The following DCLRE1C variants were observed in gnomAD, a reference collection of about 807,000 sequenced individuals.
The protein encoded by DCLRE1C is protein artemis.
A neutral mutation model predicts 61.4 loss-of-function variants in DCLRE1C; 47 were observed. The observed-to-expected ratio is 0.77, with a 90% CI of 0.61 to 0.98. DCLRE1C has a LOEUF of 0.98. DCLRE1C is among the 50% of genes least tolerant of loss of function. The pLI is 0.00. For missense variants in DCLRE1C, 858 were observed against 816.0 expected (o/e 1.05, Z -0.63); for synonymous variants, 337 against 287.6 (o/e 1.17, Z -1.74).
intron 9 of DCLRE1C, among the ~76,000 whole-genome samples, chr10:14,929,761 T>A (rs1286191577): frequency 6.6e-6 from 1 of 152,212 alleles, no homozygotes; most frequent in African/African-American, 2.4e-5. Context: ...AAAGTCATTA[T>A]TTTGAAATCC....
intron 9 of DCLRE1C, 76 bp from the exon 10 acceptor site, chr10:14,928,228 A>G: frequency 7.4e-7 from 1 of 1,349,878 alleles, no homozygotes; most frequent in Non-Finnish European, 1.0e-6. Flanking sequence ...CTCAAAAACA[A>G]AAGTAGAAAA....
At chr10:14,901,125 C>T (rs1399791667), downstream of DCLRE1C, 1 of 1,613,148 alleles carries the variant, frequency 6.2e-7, no homozygotes, top group African/African-American at 1.3e-5. Context: ...TCTAATGTTC[C>T]TTTTTAGTGT....
chr10:14,954,103 T>C (rs41304290), upstream of DCLRE1C: 6 of 1,591,740 alleles, frequency 3.8e-6, no homozygotes, highest in African/African-American at 4.0e-5. Context: ...AGCCGCGCGC[T>C]GCCTCGCCAT....
At position 14,908,355 on chromosome 10, in the gene DCLRE1C, C is replaced by T. The variant is rs1834657456; in HGVS notation, c.*53G>A. The T allele has an allele frequency of 2.2e-6, 3 of 1,338,902 alleles. No homozygotes were observed. Among genetic ancestry groups the T allele is most frequent in the African/African-American group, 2.9e-5 (2 of 69,122 alleles). 82.9% of individuals were successfully genotyped at this position (1,338,902 alleles called of 1,614,324 possible). On this transcript the variant is annotated 3_prime_UTR_variant, in exon 14 of 14. Coordinates refer to ENST00000378278, the MANE Select transcript of DCLRE1C (RefSeq NM_001033855.3). ...TTTTCTCTATTGTAATATTGACTGTCATCTCTGTGCAGGTTTTTTAGTGGT... is the reference window on the plus strand; with the variant it reads ...TTTTCTCTATTGTAATATTGACTGTTATCTCTGTGCAGGTTTTTTAGTGGT...
chr10:14,945,176 G>T lies in DCLRE1C; in HGVS notation c.175C>A (p.Leu59Ile). 3 of 1,612,648 alleles carry T rather than the reference G, an allele frequency of 1.9e-6. No homozygotes were observed. The highest frequency in any genetic ancestry group is 2.5e-6 in the Non-Finnish European group (3 of 1,179,360). The change falls in exon 3 of 14, where the codon CTA (leucine) becomes ATA (isoleucine). Residue 59 changes from leucine (L) to isoleucine (I), a missense_variant. Around this residue, in one of 2 missense-constraint regions of DCLRE1C, gnomAD observed 843 missense variants for 783.5 expected, o/e 1.08. Coordinates refer to ENST00000378278, the MANE Select transcript of DCLRE1C (RefSeq NM_001033855.3). ...TCCTTAGTCACAGGTGAACAGTATA[G>T]ATAAACCTTCAAGCTGAAAGGAAAA... is the stretch of plus-strand genomic sequence containing the variant. ...RRLECSLKVY[L>I]YCSPVTKELL...
chr10:14,927,189 C>T (rs1185461727), intron 10 of DCLRE1C, among the ~76,000 whole-genome samples: 2 of 152,126 alleles, frequency 1.3e-5, no homozygotes, highest in East Asian at 1.9e-4. Context: ...CGAGACCAGC[C>T]TAGCAAACAT....
In DCLRE1C at chr10:14,927,900, T is replaced by A. The variant is rs550045751; in HGVS notation, c.917+116A>T. ...TTAAATAAAATTTAAATTTAAGAAA[T>A]TAATTATAATATATAATTATATTCT... On this transcript the variant is annotated intron_variant, in intron 10 of 13. Coordinates refer to ENST00000378278, the MANE Select transcript of DCLRE1C (RefSeq NM_001033855.3). 63 of 707,560 alleles carry A rather than the reference T, an allele frequency of 8.9e-5. No individual in the cohort carries two copies. In the African/African-American group the frequency reaches 1.1e-3, roughly 13 times the overall value. 43.8% of individuals were successfully genotyped at this position (707,560 alleles called of 1,614,324 possible).
Position 14,909,082 on chromosome 10 carries a change from G to T in DCLRE1C, c.1405C>A (p.Leu469Met). 1.2e-6 allele frequency: 2 copies of T among 1,614,202 alleles called. No individual in the cohort carries two copies. The highest frequency in any genetic ancestry group is 1.7e-6 in the Non-Finnish European group (2 of 1,180,046). The change falls in exon 14 of 14, where the codon CTG (leucine) becomes ATG (methionine). Residue 469 changes from leucine (L) to methionine (M), a missense_variant. Coordinates refer to ENST00000378278, the MANE Select transcript of DCLRE1C (RefSeq NM_001033855.3). ...AGTACAGAGCCCAGATCTCCTTGCA[G>T]TGAAGCTGGGATTCCTACTTCTTCT... ...SEEEVGIPAS[L>M]QGDLGSVLHL... is the part of the protein sequence containing the mutation.
At chr10:14,927,929 G>T in intron 10 of DCLRE1C, 87 bp downstream of exon 10, 2 of 1,216,696 alleles carry the variant, frequency 1.6e-6, no homozygotes, top group Non-Finnish European at 2.4e-6. Flanking sequence ...ATATTCTTGG[G>T]CTTAGGCTAG....
intron 3 of DCLRE1C, 30 bp downstream of exon 3, chr10:14,945,075 A>C (rs1400476903): frequency 6.4e-7 from 1 of 1,555,774 alleles, no homozygotes; most frequent in Non-Finnish European, 8.8e-7. Flanking sequence ...CACTTAAAAA[A>C]AATTAAGTTA....
intron 1 of DCLRE1C, among the ~76,000 whole-genome samples, chr10:14,950,035 A>G (rs1047691270): frequency 6.6e-6 from 1 of 151,472 alleles, no homozygotes; most frequent in Non-Finnish European, 1.5e-5. Flanking sequence ...ACAGAGTGAG[A>G]CTTCATCTCA....
chr10:14,931,800 A>T (rs1458988301), intron 9 of DCLRE1C, among the ~76,000 whole-genome samples: 1 of 152,206 alleles, frequency 6.6e-6, no homozygotes, highest in Non-Finnish European at 1.5e-5. Flanking sequence ...ACACTTTGGA[A>T]GGCCAAGGAG....
chr10:14,951,607 C>G (rs1842475530), intron 1 of DCLRE1C, among the ~76,000 whole-genome samples: 1 of 152,018 alleles, frequency 6.6e-6, no homozygotes, highest in African/African-American at 2.4e-5. Context: ...GTTCAGGAAG[C>G]TGGGAAGATC....
chr10:14,926,961 G>A, intron 10 of DCLRE1C, 64 bp from the exon 11 acceptor site: 1 of 1,410,246 alleles, frequency 7.1e-7, no homozygotes, highest in Non-Finnish European at 1.0e-6. Context: ...AAGCAAAGCT[G>A]GCCCTTCTCA....
In DCLRE1C at chr10:14,908,583, C is replaced by G; in HGVS notation, c.1904G>C (p.Ser635Thr). The G allele has an allele frequency of 6.2e-7, 1 of 1,614,130 alleles. No individual in the cohort carries two copies. Among genetic ancestry groups the G allele is most frequent in the Non-Finnish European group, 8.5e-7 (1 of 1,180,026 alleles). Residue 635 changes from serine (S) to threonine (T), a missense_variant, in exon 14 of 14, where the codon AGT becomes ACT. Transcript: ENST00000378278. ...TGCATTTGTGCTAAGATTTAGCAAACTTTTTTCCTCGGGTATATGTGTCTC... is the reference window on the plus strand; with the variant it reads ...TGCATTTGTGCTAAGATTTAGCAAAGTTTTTTCCTCGGGTATATGTGTCTC... ...SSETHIPEEK[S>T]LLNLSTNADS... is the part of the protein sequence containing the mutation.
At chr10:14,922,043 T>A (rs1220578791) in intron 12 of DCLRE1C, among the ~76,000 whole-genome samples, 1 of 152,184 alleles carries the variant, frequency 6.6e-6, no homozygotes, top group Non-Finnish European at 1.5e-5. Context: ...GTGTGCTGCC[T>A]TTGCACCCGG....
At chr10:14,925,457 A>G (rs546717474) in intron 11 of DCLRE1C, among the ~76,000 whole-genome samples, 190 of 152,320 alleles carry the variant, frequency 1.2e-3, no homozygotes, top group African/African-American at 4.2e-3. Context: ...TATAGTCACC[A>G]TAAATGCTGA....
chr10:14,946,896 G>A (rs1841779664), intron 2 of DCLRE1C, among the ~76,000 whole-genome samples: 1 of 152,058 alleles, frequency 6.6e-6, no homozygotes, highest in Admixed American at 6.6e-5. Context: ...GGGATTATAA[G>A]CCTAAGCCAC....
At position 14,937,722 on chromosome 10, in the gene DCLRE1C, C is replaced by G. The variant is rs375851978; in HGVS notation, c.307-1129G>C. 5.2e-3 allele frequency among the ~76,000 whole-genome samples: 795 copies of G among 151,730 alleles called. 4 individuals carry two copies. Among genetic ancestry groups the G allele is most frequent in the African/African-American group, 0.017 (724 of 41,484 alleles). ...TCTGGCCAACATGGCGAAACCCTGT[C>G]TCTACTAAAAATACAAAAATTAGCT... On this transcript the variant is annotated intron_variant, in intron 4 of 13. Transcript: ENST00000378278.
Sources: gnomAD v4.1 joint callset for allele counts (sites outside exome capture counted in the v4.1 genomes callset) on GRCh38, gnomAD v4.1.1 for gene constraint, gnomAD v4.1.1 regional missense constraint, MANE v1.5 for transcripts, NCBI Gene and HGNC (gene_info 2026-07-23, HGNC 2026-07-21) for gene names.